Variants in TRPM8 observed in about 807,000 individuals in gnomAD.
The protein encoded by TRPM8 is transient receptor potential cation channel subfamily M member 8.
In TRPM8, 110 loss-of-function variants were observed where a neutral mutation model predicts 133.7. The observed-to-expected ratio is 0.82, with a 90% CI of 0.70 to 0.96. TRPM8 has a LOEUF of 0.96. TRPM8 is among the 40% of genes least tolerant of loss of function. The probability of loss-of-function intolerance (pLI) is 0.00; values close to 1 mark genes in which losing one functional copy is unlikely to be tolerated. For synonymous variants in TRPM8, 535 were observed against 532.3 expected, an observed-to-expected ratio of 1.01 and a Z score of -0.07; for missense variants, 1,291 against 1,379.5, an observed-to-expected ratio of 0.94 and a Z score of 1.02.
chr2:233,963,216 C>T, intron 12 of TRPM8, 66 bp from the exon 13 acceptor site: 1 of 1,107,112 alleles, frequency 9.0e-7, no homozygotes, highest in Non-Finnish European at 1.4e-6. Context: ...GGCTACTCTC[C>T]TAGGGCTTCC....
Position 233,958,185 on chromosome 2 carries a change from G to GT in TRPM8, c.1363-2585dup, listed in dbSNP as rs1002588357. ...ATCATGGCAGGGGGAGTTGCTGATA[G>GT]TTTTTTGAGGGCCTGGTCTGAACTT... is the stretch of plus-strand genomic sequence containing the variant. On this transcript the variant is annotated intron_variant, in intron 11 of 25. Coordinates refer to ENST00000324695, the MANE Select transcript of TRPM8 (RefSeq NM_024080.5). Among the ~76,000 whole-genome samples the GT allele has an allele frequency of 7.9e-5, 12 of 152,162 alleles. 1 individual carries two copies. Among genetic ancestry groups the GT allele is most frequent in the African/African-American group, 2.9e-4 (12 of 41,432 alleles).
chr2:233,991,505 C>T (rs1383713883), intron 21 of TRPM8, among the ~76,000 whole-genome samples: 5 of 152,202 alleles, frequency 3.3e-5, no homozygotes, highest in Non-Finnish European at 7.3e-5. Flanking sequence ...CTAGATACTG[C>T]CTGTGTGCTG....
chr2:233,918,673 G>A (rs1347318075), intron 1 of TRPM8, among the ~76,000 whole-genome samples: 3 of 152,070 alleles, frequency 2.0e-5, no homozygotes, highest in Non-Finnish European at 4.4e-5. Flanking sequence ...AAAAAATTTG[G>A]CTGATAGAGG....
chr2:233,955,412 C>T (rs1368054407), intron 11 of TRPM8, 162 bp downstream of exon 11: 1 of 571,718 alleles, frequency 1.7e-6, no homozygotes, highest in East Asian at 3.0e-5. Context: ...TTGTTTGCAG[C>T]ATGGAATCAT....
chr2:233,959,325 CTTTTTTTTTT>C (rs778556639), intron 11 of TRPM8, among the ~76,000 whole-genome samples: 1 of 106,310 alleles, frequency 9.4e-6, no homozygotes, highest in African/African-American at 4.2e-5. Context: ...CTCGCCCAGC[CTTTTTTTTTT>C]TTTTTTTTTG....
intron 22 of TRPM8, among the ~76,000 whole-genome samples, 172 bp downstream of exon 22, chr2:233,996,688 T>C (rs145357781): frequency 3.3e-5 from 5 of 152,334 alleles, no homozygotes; most frequent in Admixed American, 2.0e-4. Flanking sequence ...TCTAGAGAAA[T>C]GTAGCTGAAG....
intron 6 of TRPM8, among the ~76,000 whole-genome samples, chr2:233,944,705 G>A (rs752467779): frequency 2.0e-5 from 3 of 152,006 alleles, no homozygotes; most frequent in Non-Finnish European, 4.4e-5. Context: ...TGTCAGTATG[G>A]CCAAAGCTGC....
intron 1 of TRPM8, among the ~76,000 whole-genome samples, chr2:233,918,339 A>G (rs1003855040): frequency 2.7e-5 from 4 of 149,392 alleles, no homozygotes; most frequent in African/African-American, 9.7e-5. Flanking sequence ...TAATTGTTAT[A>G]GAAATAATAT....
intron 3 of TRPM8, among the ~76,000 whole-genome samples, chr2:233,932,794 T>C (rs1691706527): frequency 6.6e-6 from 1 of 151,690 alleles, no homozygotes; most frequent in Non-Finnish European, 1.5e-5. Context: ...TTATTATTTC[T>C]CTCTCTCCAC....
intron 20 of TRPM8, among the ~76,000 whole-genome samples, chr2:233,985,107 A>C (rs1202633991): frequency 6.6e-6 from 1 of 151,910 alleles, no homozygotes; most frequent in Non-Finnish European, 1.5e-5. Context: ...GATGTAAAAA[A>C]TTAATATGTC....
At chr2:234,006,807 G>A (rs1692704591) in intron 22 of TRPM8, 46 bp from the exon 23 acceptor site, 6 of 1,421,766 alleles carry the variant, frequency 4.2e-6, no homozygotes, top group African/African-American at 1.4e-5. Context: ...AGGAAGCAAG[G>A]GGCAAATGAA....
In TRPM8 at chr2:233,958,785, C is replaced by T. The variant is rs1364161724; in HGVS notation, c.1363-1991C>T. On this transcript the variant is annotated intron_variant, in intron 11 of 25. Transcript: ENST00000324695. Reference sequence around the variant, plus strand: ...TCCTTCTCTAGGCAATGTGTGATCCCCATGAGACCAACATTAGGCAGGAAC... The same window carrying T: ...TCCTTCTCTAGGCAATGTGTGATCCTCATGAGACCAACATTAGGCAGGAAC... 2.0e-5 allele frequency among the ~76,000 whole-genome samples: 3 copies of T among 152,066 alleles called. No homozygotes were observed. In the East Asian group the frequency reaches 5.8e-4, roughly 29 times the overall value.
intron 1 of TRPM8, among the ~76,000 whole-genome samples, chr2:233,922,118 T>C (rs1376963578): frequency 1.3e-5 from 2 of 152,140 alleles, no homozygotes; most frequent in Non-Finnish European, 2.9e-5. Context: ...CAATTAAGTC[T>C]AGGTTAGAAT....
chr2:233,996,610 C>A, intron 22 of TRPM8, 94 bp downstream of exon 22: 2 of 1,174,210 alleles, frequency 1.7e-6, no homozygotes, highest in Admixed American at 3.7e-5. Flanking sequence ...AGGAATTATT[C>A]ACAGATCTTT....
intron 21 of TRPM8, among the ~76,000 whole-genome samples, chr2:233,987,244 A>C (rs761604025): frequency 2.0e-5 from 3 of 152,260 alleles, no homozygotes; most frequent in Non-Finnish European, 2.9e-5. Context: ...TATATCTGTT[A>C]ACTTGAAAGA....
At chr2:234,016,568 C>T (rs1243256995) in intron 25 of TRPM8, among the ~76,000 whole-genome samples, 2 of 152,184 alleles carry the variant, frequency 1.3e-5, no homozygotes, top group Non-Finnish European at 1.5e-5. Flanking sequence ...TTGACCTAGG[C>T]GAGGAGCTGA....
At chr2:233,945,773 C>A in intron 6 of TRPM8, 83 bp from the exon 7 acceptor site, 1 of 1,306,782 alleles carries the variant, frequency 7.7e-7, no homozygotes, top group Non-Finnish European at 1.1e-6. Context: ...AAAGTATTAG[C>A]TTTCATATGA....
intron 1 of TRPM8, among the ~76,000 whole-genome samples, chr2:233,923,878 A>G (rs559134625): frequency 6.6e-6 from 1 of 152,366 alleles, no homozygotes; most frequent in African/African-American, 2.4e-5. Flanking sequence ...AGAGGCTTAC[A>G]ATCAATGTGA....
At chr2:233,992,774 C>A (rs1475510514) in intron 21 of TRPM8, among the ~76,000 whole-genome samples, 3 of 152,164 alleles carry the variant, frequency 2.0e-5, no homozygotes, top group Non-Finnish European at 4.4e-5. Flanking sequence ...ACTTTAAGAA[C>A]CATCTCAGAT....
Sources: gnomAD v4.1 joint callset for allele counts (sites outside exome capture counted in the v4.1 genomes callset) on GRCh38, gnomAD v4.1.1 for gene constraint, MANE v1.5 for transcripts, NCBI Gene and HGNC (gene_info 2026-07-23, HGNC 2026-07-21) for gene names.